PCDH9: variants seen among roughly 807,000 people sequenced by gnomAD.
PCDH9 encodes the protein protocadherin 9.
Under a neutral mutation model 70.6 loss-of-function variants are expected in PCDH9, and 24 were observed. That is an observed-to-expected ratio of 0.34 (90% confidence interval 0.25 to 0.48). The LOEUF (loss-of-function observed/expected upper bound fraction) is 0.48. PCDH9 is among the 20% of genes least tolerant of loss of function. The probability of loss-of-function intolerance (pLI) is 0.99; values close to 1 mark genes in which losing one functional copy is unlikely to be tolerated. For synonymous variants in PCDH9, 562 were observed against 558.5 expected (o/e 1.01, Z -0.09); for missense variants, 1,281 against 1,503.6 (o/e 0.85, Z 2.45).
At chr13:66,331,230 C>T (rs1365249314) in intron 4 of PCDH9, among the ~76,000 whole-genome samples, 2 of 152,056 alleles carry the variant, frequency 1.3e-5, no homozygotes, top group African/African-American at 4.8e-5. Flanking sequence ...ATAAGACAAA[C>T]AAGACTCCAT....
At chr13:66,452,029 G>A (rs576283583) in intron 4 of PCDH9, among the ~76,000 whole-genome samples, 1 of 152,156 alleles carries the variant, frequency 6.6e-6, no homozygotes, top group East Asian at 1.9e-4. Context: ...TATTCTTTTA[G>A]GTCTCCATGA....
chr13:66,323,329 G>A (rs1955788296), intron 4 of PCDH9: 1 of 151,992 alleles, frequency 6.6e-6, no homozygotes, highest in African/African-American at 2.4e-5. Flanking sequence ...TTTAAGAGGG[G>A]AATTGCAGTT....
intron 2 of PCDH9, among the ~76,000 whole-genome samples, chr13:67,117,653 A>T (rs1185661176): frequency 6.6e-6 from 1 of 152,190 alleles, no homozygotes; most frequent in Non-Finnish European, 1.5e-5. Flanking sequence ...TTATACTTAA[A>T]TCCACTGGAG....
intron 2 of PCDH9, among the ~76,000 whole-genome samples, chr13:66,980,721 T>G (rs1238565217): frequency 3.1e-4 from 38 of 121,968 alleles, no homozygotes; most frequent in African/African-American, 1.2e-3. Flanking sequence ...TTTTCCTGTT[T>G]TTTTCTTTGT....
chr13:67,222,865 A>C (rs868427157), intron 2 of PCDH9: 3 of 152,132 alleles, frequency 2.0e-5, no homozygotes, highest in Admixed American at 6.6e-5. Context: ...GTGAAAACAA[A>C]TTTTTAAAGA....
At chr13:66,663,998 C>A (rs542456733) in intron 3 of PCDH9, among the ~76,000 whole-genome samples, 2 of 152,174 alleles carry the variant, frequency 1.3e-5, no homozygotes, top group African/African-American at 2.4e-5. Context: ...AAAAAAGGAA[C>A]TACAGACTTT....
At chr13:66,362,001 T>C (rs9571576) in intron 4 of PCDH9, among the ~76,000 whole-genome samples, 67,862 of 151,928 alleles carry the variant, frequency 0.45, 16,848 homozygotes, top group East Asian at 0.62. Flanking sequence ...AAATTTTCAT[T>C]AAATTAGGGA....
intron 2 of PCDH9, among the ~76,000 whole-genome samples, chr13:66,987,418 T>TA (rs886562289): frequency 7.9e-5 from 12 of 152,170 alleles, no homozygotes; most frequent in African/African-American, 2.6e-4. Flanking sequence ...GTTGATACAT[T>TA]AATTGTGTTA....
intron 1 of PCDH9, among the ~76,000 whole-genome samples, chr13:67,229,140 AAT>A (rs1308082017): frequency 6.6e-6 from 1 of 152,012 alleles, no homozygotes; most frequent in Non-Finnish European, 1.5e-5. Context: ...CATCAGAAGC[AAT>A]AGTCACCGGC....
intron 4 of PCDH9, among the ~76,000 whole-genome samples, chr13:66,324,297 G>T (rs1444493663): frequency 6.6e-6 from 1 of 151,918 alleles, no homozygotes; most frequent in African/African-American, 2.4e-5. Flanking sequence ...AGACAAAAAA[G>T]GTAGATCTAT....
At chr13:67,133,151 A>C (rs2087147625) in intron 2 of PCDH9, among the ~76,000 whole-genome samples, 1 of 152,098 alleles carries the variant, frequency 6.6e-6, no homozygotes, top group South Asian at 2.1e-4. Context: ...AAGAAAGGCA[A>C]AATTTCAAAA....
chr13:66,642,202 C>G (rs2077717765), intron 3 of PCDH9, among the ~76,000 whole-genome samples: 1 of 151,924 alleles, frequency 6.6e-6, no homozygotes, highest in Non-Finnish European at 1.5e-5. Flanking sequence ...GTAAAATTGT[C>G]AAACATATCT....
intron 4 of PCDH9, among the ~76,000 whole-genome samples, chr13:66,314,248 A>G (rs1955612322): frequency 6.6e-6 from 1 of 152,224 alleles, no homozygotes; most frequent in Admixed American, 6.6e-5. Flanking sequence ...CCAGTGGTCT[A>G]AACTAATAAC....
chr13:66,712,938 A>C (rs1178247858), intron 3 of PCDH9, among the ~76,000 whole-genome samples: 1 of 152,176 alleles, frequency 6.6e-6, no homozygotes, highest in South Asian at 2.1e-4. Flanking sequence ...AAGGATAATT[A>C]AAATATATTT....
At chr13:67,033,036 G>A (rs1229208770) in intron 2 of PCDH9, among the ~76,000 whole-genome samples, 1 of 151,840 alleles carries the variant, frequency 6.6e-6, no homozygotes, top group Non-Finnish European at 1.5e-5. Flanking sequence ...AGGTTTGGGG[G>A]AAATACAAGC....
chr13:66,783,978 AATGGTAAG>A (rs2080039933), intron 3 of PCDH9, among the ~76,000 whole-genome samples: 1 of 152,194 alleles, frequency 6.6e-6, no homozygotes. Flanking sequence ...CAAAATTCAA[AATGGTAAG>A]ATGAAATTAA....
At chr13:66,872,357 C>T (rs1363489087) in intron 3 of PCDH9, among the ~76,000 whole-genome samples, 1 of 152,032 alleles carries the variant, frequency 6.6e-6, no homozygotes, top group Non-Finnish European at 1.5e-5. Context: ...TTTCACATGC[C>T]CTTTTCAATT....
intron 4 of PCDH9, among the ~76,000 whole-genome samples, chr13:66,491,225 TTTTTTAAACAGTGG>T (rs1959027096): frequency 6.6e-6 from 1 of 152,176 alleles, no homozygotes; most frequent in Non-Finnish European, 1.5e-5. Context: ...ATAGTTGTTC[TTTTTTAAACAGTGG>T]TTAAGGATCA....
At chr13:66,486,244 C>A (rs575161209) in intron 4 of PCDH9, among the ~76,000 whole-genome samples, 2 of 151,928 alleles carry the variant, frequency 1.3e-5, no homozygotes, top group Non-Finnish European at 2.9e-5. Context: ...TAGTTTGAGA[C>A]CAGACTGGGC....
Sources: allele counts gnomAD v4.1 joint callset (sites outside exome capture counted in the v4.1 genomes callset), GRCh38; gene constraint gnomAD v4.1.1; transcripts MANE v1.5; gene names NCBI Gene and HGNC (gene_info 2026-07-23, HGNC 2026-07-21).